The following SLC4A8 variants were observed in gnomAD, a reference collection of about 807,000 sequenced individuals.
SLC4A8 encodes the protein solute carrier family 4 member 8.
In SLC4A8, 40 loss-of-function variants were observed where a neutral mutation model predicts 125.0. That is an observed-to-expected ratio of 0.32 (90% CI 0.25 to 0.42). The LOEUF is 0.42. Ranked by LOEUF, SLC4A8 falls within the 10% of genes least tolerant of loss-of-function variation. SLC4A8 has a pLI of 1.00. For missense variants in SLC4A8, 863 were observed against 1,355.1 expected, an observed-to-expected ratio of 0.64 and a Z score of 5.70; for synonymous variants, 456 against 476.0, an observed-to-expected ratio of 0.96 and a Z score of 0.55.
intron 1 of SLC4A8, chr12:51,391,498 A>T (rs1359801293): frequency 6.4e-6 from 1 of 155,392 alleles, no homozygotes; most frequent in African/African-American, 2.4e-5. Flanking sequence ...GGTGAGAGCG[A>T]GGACTCGGCA....
chr12:51,420,762 A>G (rs1257847754), upstream of SLC4A8, among the ~76,000 whole-genome samples: 1 of 152,228 alleles, frequency 6.6e-6, no homozygotes, highest in Non-Finnish European at 1.5e-5. Flanking sequence ...AAGTTAGAGA[A>G]GGATGAAATT....
chr12:51,444,240 G>T (rs896657549), intron 2 of SLC4A8, among the ~76,000 whole-genome samples: 5 of 152,058 alleles, frequency 3.3e-5, no homozygotes, highest in African/African-American at 1.2e-4. Flanking sequence ...GGATTTTATT[G>T]GTGCTATATT....
At chr12:51,505,984 C>A in intron 24 of SLC4A8, 54 bp downstream of exon 24, 1 of 816,718 alleles carries the variant, frequency 1.2e-6, no homozygotes, top group Non-Finnish European at 2.0e-6. Flanking sequence ...TTGACAATGG[C>A]GATATTGAAG....
At chr12:51,471,192 G>T (rs1283011492) in intron 13 of SLC4A8, 95 bp from the exon 14 acceptor site, 1 of 1,187,638 alleles carries the variant, frequency 8.4e-7, no homozygotes, top group Admixed American at 2.0e-5. Flanking sequence ...GGGTTCCAGT[G>T]CTTGTTTAGA....
intron 1 of SLC4A8, among the ~76,000 whole-genome samples, chr12:51,426,926 TTTTTTTTTTCTTTTC>T (rs1949004065): frequency 5.4e-5 from 8 of 147,448 alleles, no homozygotes; most frequent in Admixed American, 5.4e-4. Context: ...ACAGATTTTC[TTTTTTTTTTCTTTTC>T]TTTTTTTTTT....
At chr12:51,500,732 G>T (rs1253039567) in intron 22 of SLC4A8, among the ~76,000 whole-genome samples, 5 of 151,596 alleles carry the variant, frequency 3.3e-5, no homozygotes, top group African/African-American at 1.2e-4. Context: ...TTTCGCCCAG[G>T]CTGGAGTGCA....
intron 24 of SLC4A8, 106 bp from the exon 25 acceptor site, chr12:51,507,320 A>C (rs750924126): frequency 8.4e-6 from 6 of 715,462 alleles, no homozygotes; most frequent in Non-Finnish European, 1.1e-5. Context: ...AAATGAACTT[A>C]AAATATAGCC....
intron 16 of SLC4A8, chr12:51,480,328 A>G (rs1041537358): frequency 8.3e-7 from 1 of 1,198,734 alleles, no homozygotes; most frequent in Admixed American, 3.6e-5. Flanking sequence ...ATGTCTTATT[A>G]TATACAAGGC....
rs1418354783 is a variant in SLC4A8, at chr12:51,508,600, C to G, written c.*1162C>G. On this transcript the variant is annotated 3_prime_UTR_variant, in exon 25 of 25. Transcript: ENST00000453097. ...TTCTTTTGGTTGACAAACATTCTGG[C>G]TCTCAGATGCAAAAAGTCACACTGG... 6.6e-6 allele frequency: 1 copy of G among 152,610 alleles called. No homozygotes were observed. Among genetic ancestry groups the G allele is most frequent in the Non-Finnish European group, 1.5e-5 (1 of 68,030 alleles). 9.5% of individuals were successfully genotyped at this position (152,610 alleles called of 1,614,324 possible). A position where few individuals can be genotyped will look rare whatever the true frequency, so the allele number is the denominator to read the frequency against.
At position 51,446,959 on chromosome 12, in the gene SLC4A8, G is replaced by C. The variant is rs138331909; in HGVS notation, c.131-3917G>C. Among the ~76,000 whole-genome samples, 4 of 152,334 alleles carry C rather than the reference G, an allele frequency of 2.6e-5. No individual in the cohort carries two copies. In the East Asian group the frequency reaches 7.7e-4, roughly 29 times the overall value. The stretch of plus-strand genomic sequence containing the variant: ...AGAGTGCAGAATAAGAGAGATAGCT[G>C]CTTAACTTTAACGCAAAATAGAAAA... On this transcript the variant is annotated intron_variant, in intron 2 of 24. Coordinates refer to ENST00000453097, the MANE Select transcript of SLC4A8 (RefSeq NM_001039960.3).
intron 11 of SLC4A8, among the ~76,000 whole-genome samples, chr12:51,466,112 G>A (rs1950507217): frequency 6.6e-6 from 1 of 152,102 alleles, no homozygotes; most frequent in African/African-American, 2.4e-5. Flanking sequence ...TGGGAAAGGA[G>A]ACAAAATTGA....
At chr12:51,409,808 A>G (rs1383282694) in intron 1 of SLC4A8, among the ~76,000 whole-genome samples, 3 of 152,236 alleles carry the variant, frequency 2.0e-5, no homozygotes, top group African/African-American at 4.8e-5. Context: ...AATACTCATG[A>G]GGCGAGGTGT....
chr12:51,500,837 C>T (rs1044029689), intron 22 of SLC4A8, among the ~76,000 whole-genome samples: 14 of 149,162 alleles, frequency 9.4e-5, no homozygotes, highest in Admixed American at 3.4e-4. Flanking sequence ...CAGGCTCTCG[C>T]CCCTGCGCCT....
chr12:51,438,268 C>T (rs1337963519), intron 1 of SLC4A8, among the ~76,000 whole-genome samples: 3 of 151,932 alleles, frequency 2.0e-5, no homozygotes, highest in African/African-American at 7.3e-5. Flanking sequence ...TAGCAAATCT[C>T]TCCCTACACT....
At chr12:51,491,556 T>A (rs1273977884) in intron 19 of SLC4A8, among the ~76,000 whole-genome samples, 1 of 152,196 alleles carries the variant, frequency 6.6e-6, no homozygotes, top group Non-Finnish European at 1.5e-5. Context: ...TCAGGTTATC[T>A]GACAAGAGCA....
At chr12:51,473,059 C>T (rs1167226099) in intron 14 of SLC4A8, among the ~76,000 whole-genome samples, 2 of 152,088 alleles carry the variant, frequency 1.3e-5, no homozygotes, top group Admixed American at 6.5e-5. Context: ...ACATCATTGC[C>T]ACCCAAAGTC....
Position 51,425,046 on chromosome 12 carries a change from G to T in SLC4A8, c.48+11G>T. On this transcript the variant is annotated intron_variant, in intron 1 of 24. Coordinates refer to ENST00000453097, the MANE Select transcript of SLC4A8 (RefSeq NM_001039960.3). ...GTCCTCAGCTATCAGGTAGGGCCCCGCCTCCCGCGCCTCCCGCTCCTCCCC... is the reference window on the plus strand; with the variant it reads ...GTCCTCAGCTATCAGGTAGGGCCCCTCCTCCCGCGCCTCCCGCTCCTCCCC... 2 of 1,543,542 alleles carry T rather than the reference G, an allele frequency of 1.3e-6. 1 individual carries two copies. The highest frequency in any genetic ancestry group is 2.4e-5 in the South Asian group (2 of 83,554).
At chr12:51,455,391 GATA>G (rs1950115104) in intron 5 of SLC4A8, among the ~76,000 whole-genome samples, 1 of 152,090 alleles carries the variant, frequency 6.6e-6, no homozygotes, top group African/African-American at 2.4e-5. Flanking sequence ...AGACATGCTT[GATA>G]ATAATTAGAG....
intron 16 of SLC4A8, among the ~76,000 whole-genome samples, chr12:51,479,280 G>T (rs1009664316): frequency 6.6e-6 from 1 of 152,158 alleles, no homozygotes; most frequent in Non-Finnish European, 1.5e-5. Flanking sequence ...ACAAAATCCA[G>T]TCCCCATAGA....
Sources: gnomAD v4.1 joint callset for allele counts (sites outside exome capture counted in the v4.1 genomes callset) on GRCh38, gnomAD v4.1.1 for gene constraint, MANE v1.5 for transcripts, NCBI Gene and HGNC (gene_info 2026-07-23, HGNC 2026-07-21) for gene names.